The following EHF variants were observed in gnomAD, a reference collection of about 807,000 sequenced individuals.
EHF encodes ESE3 transcription factor.
In EHF, 14 loss-of-function variants were observed where a neutral mutation model predicts 45.1. The ratio of observed to expected loss-of-function variants is 0.31; its 90% confidence interval spans 0.21 to 0.49. The LOEUF (loss-of-function observed/expected upper bound fraction) is 0.49. EHF is among the 20% of genes least tolerant of loss of function. The pLI is 0.99. For synonymous variants in EHF, 136 were observed against 131.8 expected (o/e 1.03, Z -0.22); for missense variants, 282 against 371.4 (o/e 0.76, Z 1.98).
intron 7 of EHF, 106 bp downstream of exon 7, chr11:34,657,076 T>C (rs1319806955): frequency 4.5e-6 from 6 of 1,330,886 alleles, no homozygotes; most frequent in South Asian, 1.3e-5. Context: ...GCTGCCTTCA[T>C]GTCTTCATCC....
intron 1 of EHF, among the ~76,000 whole-genome samples, chr11:34,627,986 T>C (rs1394795110): frequency 1.3e-5 from 2 of 152,200 alleles, no homozygotes; most frequent in African/African-American, 2.4e-5. Flanking sequence ...GAAGCACATA[T>C]ATTGTTATCA....
chr11:34,648,573 G>A, intron 3 of EHF, among the ~76,000 whole-genome samples: 1 of 152,046 alleles, frequency 6.6e-6, no homozygotes, highest in Admixed American at 6.6e-5. Flanking sequence ...TAGTTAAAAA[G>A]GTTTTTCCCT....
chr11:34,655,597 G>GT (rs1266699603), intron 6 of EHF, among the ~76,000 whole-genome samples: 1 of 152,166 alleles, frequency 6.6e-6, no homozygotes, highest in Non-Finnish European at 1.5e-5. Flanking sequence ...TGACCCCTCT[G>GT]TTTCTCAGAT....
At position 34,649,604 on chromosome 11, in the gene EHF, T is replaced by C. The variant is rs565109276; in HGVS notation, c.406+523T>C. On this transcript the variant is annotated intron_variant, in intron 4 of 8. Coordinates refer to ENST00000257831, the MANE Select transcript of EHF (RefSeq NM_012153.6). The stretch of plus-strand genomic sequence containing the variant: ...CCTGCAACCCAGCTCCTGCCTTAGG[T>C]GTGTTTTTATATGAAGGACAAAATG... Among the ~76,000 whole-genome samples, 18 of 152,260 alleles carry C rather than the reference T, an allele frequency of 1.2e-4. 1 individual carries two copies. Among genetic ancestry groups the C allele is most frequent in the African/African-American group, 4.3e-4 (18 of 41,546 alleles).
intron 3 of EHF, among the ~76,000 whole-genome samples, chr11:34,647,584 T>C (rs1854691618): frequency 6.6e-6 from 1 of 152,236 alleles, no homozygotes; most frequent in Non-Finnish European, 1.5e-5. Context: ...GGAGTTGGCC[T>C]GTCTGCACTG....
chr11:34,624,306 C>T (rs1170482003), intron 1 of EHF: 1 of 985,318 alleles, frequency 1.0e-6, no homozygotes, highest in Non-Finnish European at 1.2e-6. Context: ...GGCGCTGTGG[C>T]TTTCAGCTTG....
chr11:34,646,611 G>T lies in EHF; in HGVS notation c.270G>T (p.Leu90Phe). 1 of 1,613,866 alleles carries T rather than the reference G, an allele frequency of 6.2e-7. No homozygotes were observed. Among genetic ancestry groups the T allele is most frequent in the Non-Finnish European group, 8.5e-7 (1 of 1,179,892 alleles). ...GCGAGCACCTCTGCAGCATGAGTTT[G>T]CAGGAGTTCACCCGGGCGGCAGGGA... ...INGEHLCSMS[L>F]QEFTRAAGTA... The change falls in exon 3 of 9, where the codon TTG (leucine) becomes TTT (phenylalanine). Residue 90 changes from leucine (L) to phenylalanine (F), a missense_variant. By Grantham distance (22) the Leu-to-Phe change is conservative (BLOSUM62 0). Around this residue, in one of 3 missense-constraint regions of EHF, gnomAD observed 213 missense variants for 247.3 expected, o/e 0.86. Transcript: ENST00000257831.
chr11:34,628,905 G>T (rs1852618247), intron 1 of EHF, among the ~76,000 whole-genome samples: 1 of 152,164 alleles, frequency 6.6e-6, no homozygotes, highest in Admixed American at 6.5e-5. Flanking sequence ...TTGGTTTAAG[G>T]CTCTGCTGTT....
In EHF at chr11:34,646,592, A is replaced by C. The variant is rs956734706; in HGVS notation, c.251A>C (p.His84Pro). 1.9e-6 allele frequency: 3 copies of C among 1,613,530 alleles called. No homozygotes were observed. The highest frequency in any genetic ancestry group is 1.3e-5 in the African/African-American group (1 of 74,842). ...CAAGAGTTCGACATCAACGGCGAGC[A>C]CCTCTGCAGCATGAGTTTGCAGGAG... ...PFQEFDINGEHLCSMSLQEFT... is the reference protein window; with the variant it reads ...PFQEFDINGEPLCSMSLQEFT... The change falls in exon 3 of 9, where the codon CAC becomes CCC. Residue 84 changes from histidine (H) to proline (P), a missense_variant. This residue lies in a region of EHF where 213 missense variants were observed against 247.3 expected (regional missense o/e 0.86). Coordinates refer to ENST00000257831, the MANE Select transcript of EHF (RefSeq NM_012153.6).
chr11:34,660,678 T>C lies in EHF; in HGVS notation c.*1747T>C, dbSNP rs960702867. On this transcript the variant is annotated 3_prime_UTR_variant, in exon 9 of 9. Coordinates refer to ENST00000257831, the MANE Select transcript of EHF (RefSeq NM_012153.6). ...CTTTTGCAGCTTTTCTTTTTGGCTC[T>C]CTCATGTCCTTGGCTTGCTCCTCTA... 1 of 152,162 alleles carries C rather than the reference T, an allele frequency of 6.6e-6. No individual in the cohort carries two copies. Among genetic ancestry groups the C allele is most frequent in the Non-Finnish European group, 1.5e-5 (1 of 68,016 alleles). The allele number at this position is 152,162 out of a possible 1,614,324, so 9.4% of individuals were successfully genotyped here.
At position 34,649,093 on chromosome 11, in the gene EHF, T is replaced by A. The variant is rs1854877152; in HGVS notation, c.406+12T>A. The A allele has an allele frequency of 1.9e-6, 3 of 1,613,302 alleles. No homozygotes were observed. The highest frequency in any genetic ancestry group is 2.5e-6 in the Non-Finnish European group (3 of 1,179,742). ...GACTGAACAAACTGGTGAGTAGTAGTGGACAAAGGGAGCCAACCTAGCCTG... is the reference window on the plus strand; with the variant it reads ...GACTGAACAAACTGGTGAGTAGTAGAGGACAAAGGGAGCCAACCTAGCCTG... On this transcript the variant is annotated intron_variant, in intron 4 of 8. Transcript: ENST00000257831.
At position 34,661,243 on chromosome 11, in the gene EHF, G is replaced by C. The variant is rs1049455127; in HGVS notation, c.*2312G>C. Among the ~76,000 whole-genome samples, 3 of 152,176 alleles carry C rather than the reference G, an allele frequency of 2.0e-5. No homozygotes were observed. Among genetic ancestry groups the C allele is most frequent in the African/African-American group, 7.2e-5 (3 of 41,452 alleles). Reference sequence around the variant, plus strand: ...AACGCATGAATATTTGTGTGTCTGTGTGTGTGTCTGAGTTGTGTGATTTTA... The same window carrying C: ...AACGCATGAATATTTGTGTGTCTGTCTGTGTGTCTGAGTTGTGTGATTTTA... On this transcript the variant is annotated 3_prime_UTR_variant, in exon 9 of 9. Coordinates refer to ENST00000257831, the MANE Select transcript of EHF (RefSeq NM_012153.6).
At chr11:34,645,115 C>A (rs1854384713) in intron 2 of EHF, among the ~76,000 whole-genome samples, 1 of 152,156 alleles carries the variant, frequency 6.6e-6, no homozygotes, top group Non-Finnish European at 1.5e-5. Flanking sequence ...TCCTTCCCAA[C>A]ATCTATTTCC....
rs376033943 is a variant in EHF at position 34,658,622 on chromosome 11, T to G, written c.697T>G (p.Ser233Ala). 1.9e-6 allele frequency: 3 copies of G among 1,613,760 alleles called. No homozygotes were observed. Among genetic ancestry groups the G allele is most frequent in the Non-Finnish European group, 1.7e-6 (2 of 1,179,778 alleles). The change falls in exon 8 of 9, where the codon TCT becomes GCT. Residue 233 changes from serine to alanine, a missense_variant. Physicochemically the swap from Ser to Ala is moderately conservative, Grantham distance 99. This residue lies in a region of EHF where 41 missense variants were observed against 87.0 expected (regional missense o/e 0.47). Coordinates refer to ENST00000257831, the MANE Select transcript of EHF (RefSeq NM_012153.6). Reference protein sequence around the residue: ...NPGLIKWEDRSEGVFRFLKSE... With the variant: ...NPGLIKWEDRAEGVFRFLKSE... ...AGGATTAATAAAATGGGAAGACCGA[T>G]CTGAGGGCGTCTTCAGGTTCTTGAA... is the stretch of plus-strand genomic sequence containing the variant.
intron 1 of EHF, among the ~76,000 whole-genome samples, chr11:34,637,967 G>C (rs1218458475): frequency 6.6e-6 from 1 of 150,642 alleles, no homozygotes; most frequent in African/African-American, 2.4e-5. Flanking sequence ...AGTGGCTCGA[G>C]CTCGGCTCGC....
At chr11:34,649,574 A>C (rs1854936057) in intron 4 of EHF, among the ~76,000 whole-genome samples, 1 of 152,184 alleles carries the variant, frequency 6.6e-6, no homozygotes, top group African/African-American at 2.4e-5. Context: ...AGATGTACAA[A>C]GGTACCTGCA....
chr11:34,651,446 C>T, intron 4 of EHF, 96 bp from the exon 5 acceptor site: 1 of 972,454 alleles, frequency 1.0e-6, no homozygotes, highest in South Asian at 1.3e-5. Flanking sequence ...CTCCTCACCC[C>T]CCATACTTTG....
At position 34,661,334 on chromosome 11, in the gene EHF, G is replaced by C. The variant is rs935407877; in HGVS notation, c.*2403G>C. On this transcript the variant is annotated 3_prime_UTR_variant, in exon 9 of 9. Coordinates refer to ENST00000257831, the MANE Select transcript of EHF (RefSeq NM_012153.6). ...TGACTTTGCCTGTTCATCATCTAAG[G>C]AGGCTAGATCCTTCGCTGACTTCAC... Among the ~76,000 whole-genome samples, 1 of 152,122 alleles carries C rather than the reference G, an allele frequency of 6.6e-6. No individual in the cohort carries two copies. Among genetic ancestry groups the C allele is most frequent in the Admixed American group, 6.6e-5 (1 of 15,252 alleles).
At chr11:34,638,273 T>C (rs538934502) in intron 1 of EHF, among the ~76,000 whole-genome samples, 3 of 152,312 alleles carry the variant, frequency 2.0e-5, no homozygotes, top group East Asian at 3.9e-4. Context: ...ATAGCTCAGG[T>C]AATAATTTAT....
Sources: gnomAD v4.1 joint callset for allele counts (sites outside exome capture counted in the v4.1 genomes callset) on GRCh38, gnomAD v4.1.1 for gene constraint, gnomAD v4.1.1 regional missense constraint, MANE v1.5 for transcripts, NCBI Gene and HGNC (gene_info 2026-07-23, HGNC 2026-07-21) for gene names.